Variants in NEK10 observed in about 807,000 individuals in gnomAD.
The protein encoded by NEK10 is NIMA related kinase 10, also known as serine/threonine-protein kinase Nek10.
Under a neutral mutation model 159.8 loss-of-function variants are expected in NEK10, and 122 were observed. The ratio of observed to expected loss-of-function variants is 0.76; its 90% CI spans 0.66 to 0.89. The LOEUF (loss-of-function observed/expected upper bound fraction) is 0.89, where lower values mean the gene tolerates loss of function less well. Ranked by LOEUF, NEK10 falls within the 40% of genes least tolerant of loss-of-function variation. The pLI is 0.00. For synonymous variants in NEK10, 466 were observed against 457.1 expected, an observed-to-expected ratio of 1.02 and a Z score of -0.25; for missense variants, 1,342 against 1,323.1, an observed-to-expected ratio of 1.01 and a Z score of -0.22.
rs114297758 is a variant in NEK10, at chr3:27,145,577, C to T, written c.2870-3995G>A. ...CCCTTTGCAGTGTTAGGTCAGAGGA[C>T]TTGCAAGAAGAGCAGTCCTTCTTTT... On this transcript the variant is annotated intron_variant, in intron 30 of 35. Coordinates refer to ENST00000691995, the MANE Select transcript of NEK10 (RefSeq NM_001394966.1). Among the ~76,000 whole-genome samples the T allele has an allele frequency of 4.5e-3, 687 of 152,246 alleles. 2 individuals are homozygous for T. The highest frequency in any genetic ancestry group is 0.015 in the African/African-American group (607 of 41,544).
At chr3:27,133,266 CCTTAT>C (rs1942819760) in intron 31 of NEK10, among the ~76,000 whole-genome samples, 1 of 152,164 alleles carries the variant, frequency 6.6e-6, no homozygotes, top group East Asian at 1.9e-4. Flanking sequence ...CATGACTTAA[CCTTAT>C]CTTATTTACT....
At chr3:27,209,078 G>A (rs1042943097) in intron 23 of NEK10, among the ~76,000 whole-genome samples, 1 of 151,864 alleles carries the variant, frequency 6.6e-6, no homozygotes, top group African/African-American at 2.4e-5. Context: ...GCTTTTGGAC[G>A]GCATCCAGCA....
At chr3:27,122,536 A>G (rs1304464366) in intron 32 of NEK10, among the ~76,000 whole-genome samples, 1 of 152,140 alleles carries the variant, frequency 6.6e-6, no homozygotes, top group Non-Finnish European at 1.5e-5. Flanking sequence ...AGCATTCTGT[A>G]TATCTCATAT....
At chr3:27,118,788 A>T (rs1337036812) in intron 33 of NEK10, among the ~76,000 whole-genome samples, 9 of 152,226 alleles carry the variant, frequency 5.9e-5, no homozygotes, top group Admixed American at 5.9e-4. Context: ...TGGATTTCTC[A>T]GAGATTATTT....
In NEK10 at chr3:27,310,952, G is replaced by A. The variant is rs2044644960; in HGVS notation, c.633C>T (p.His211=). The A allele has an allele frequency of 2.5e-6, 4 of 1,601,550 alleles. No individual in the cohort carries two copies. The highest frequency in any genetic ancestry group is 1.7e-4 in the Middle Eastern group (1 of 6,040). The change falls in exon 9 of 36, where the codon CAC becomes CAT. Residue 211 remains histidine (H), a synonymous_variant. Coordinates refer to ENST00000691995, the MANE Select transcript of NEK10 (RefSeq NM_001394966.1). The part of the protein sequence containing the change: ...QREWVTTSGA[H]KTLVNLLGAR... ...AACTCTTTCAGGGGCCACTCACCTT[G>A]TGGGCTCCACTTGTGGTGACCCATT...
chr3:27,257,995 A>G (rs1423372626), intron 22 of NEK10, among the ~76,000 whole-genome samples: 2 of 151,688 alleles, frequency 1.3e-5, no homozygotes, highest in Non-Finnish European at 2.9e-5. Flanking sequence ...ACTGGGTTTC[A>G]CAGTGTTAGC....
chr3:27,333,490 G>A (rs1321344781), intron 5 of NEK10, among the ~76,000 whole-genome samples: 1 of 150,948 alleles, frequency 6.6e-6, no homozygotes, highest in African/African-American at 2.4e-5. Flanking sequence ...AAGTCGCAGT[G>A]AGCCCAGATC....
intron 6 of NEK10, among the ~76,000 whole-genome samples, chr3:27,315,142 G>A (rs2045053212): frequency 6.6e-6 from 1 of 152,130 alleles, no homozygotes; most frequent in South Asian, 2.1e-4. Flanking sequence ...GCTTTAACCT[G>A]CTTAATTACA....
intron 33 of NEK10, among the ~76,000 whole-genome samples, chr3:27,117,435 T>A (rs537380664): frequency 6.6e-6 from 1 of 152,188 alleles, no homozygotes; most frequent in Non-Finnish European, 1.5e-5. Flanking sequence ...CTAATTTACA[T>A]TCCCAGCAAC....
Position 27,111,223 on chromosome 3 carries a change from G to C in NEK10, c.*49C>G. 6.4e-7 allele frequency: 1 copy of C among 1,557,050 alleles called. No homozygotes were observed. The highest frequency in any genetic ancestry group is 1.4e-5 in the African/African-American group (1 of 73,498). On this transcript the variant is annotated 3_prime_UTR_variant, in exon 36 of 36. Coordinates refer to ENST00000691995, the MANE Select transcript of NEK10 (RefSeq NM_001394966.1). ...ATCTTGCAATAGCGGCTGAAGTCCA[G>C]AACTTGAACTTCACTGAGAAAATCA...
intron 22 of NEK10, among the ~76,000 whole-genome samples, chr3:27,282,692 A>G (rs1257701574): frequency 6.9e-6 from 1 of 144,064 alleles, no homozygotes; most frequent in Non-Finnish European, 1.5e-5. Context: ...TTATATATAT[A>G]CATAACTGTG....
chr3:27,169,822 A>G (rs893737303), intron 29 of NEK10, among the ~76,000 whole-genome samples: 4 of 152,184 alleles, frequency 2.6e-5, no homozygotes, highest in Admixed American at 6.5e-5. Context: ...CTGATGGACT[A>G]GTCAAGGATC....
chr3:27,232,923 A>G (rs1953468634), intron 23 of NEK10, among the ~76,000 whole-genome samples: 1 of 152,028 alleles, frequency 6.6e-6, no homozygotes, highest in Non-Finnish European at 1.5e-5. Flanking sequence ...AAGATGGATC[A>G]AAGACTTAAA....
chr3:27,162,798 G>A, intron 29 of NEK10, 60 bp from the exon 30 acceptor site: 1 of 1,610,682 alleles, frequency 6.2e-7, no homozygotes, highest in Non-Finnish European at 8.5e-7. Flanking sequence ...GACAAACTAA[G>A]AGCCTACATC....
chr3:27,318,251 T>C (rs2045360178), intron 6 of NEK10, among the ~76,000 whole-genome samples: 1 of 152,202 alleles, frequency 6.6e-6, no homozygotes, highest in South Asian at 2.1e-4. Context: ...CAAGAGATAC[T>C]TCTAAAGTTT....
chr3:27,326,315 C>A (rs1270524649), intron 5 of NEK10, among the ~76,000 whole-genome samples: 1 of 152,144 alleles, frequency 6.6e-6, no homozygotes, highest in Non-Finnish European at 1.5e-5. Flanking sequence ...TCCCAAAGAT[C>A]TAACAGAAGT....
chr3:27,195,113 T>A (rs912366000), intron 25 of NEK10, among the ~76,000 whole-genome samples: 5 of 152,152 alleles, frequency 3.3e-5, no homozygotes, highest in Admixed American at 2.0e-4. Context: ...GAGAAGATAG[T>A]AAAATAGAGG....
chr3:27,131,489 T>C (rs1464252376), intron 32 of NEK10, among the ~76,000 whole-genome samples: 1 of 152,152 alleles, frequency 6.6e-6, no homozygotes, highest in Non-Finnish European at 1.5e-5. Flanking sequence ...CTTTCATAGA[T>C]AATAAAAAAT....
intron 26 of NEK10, among the ~76,000 whole-genome samples, chr3:27,175,827 C>G (rs1424579285): frequency 3.3e-5 from 5 of 152,104 alleles, no homozygotes. Context: ...GAAAAAGGTG[C>G]ATTTATTGAA....
Sources: allele counts gnomAD v4.1 joint callset (sites outside exome capture counted in the v4.1 genomes callset), GRCh38; gene constraint gnomAD v4.1.1; transcripts MANE v1.5; gene names NCBI Gene and HGNC (gene_info 2026-07-23, HGNC 2026-07-21).